Variants in ADGRA3 observed in about 807,000 individuals in gnomAD.
The protein encoded by ADGRA3 is adhesion G protein-coupled receptor A3.
A neutral mutation model predicts 119.8 loss-of-function variants in ADGRA3; 56 were observed. That is an observed-to-expected ratio of 0.47 (90% CI 0.38 to 0.58). The LOEUF (loss-of-function observed/expected upper bound fraction) is 0.58. ADGRA3 is among the 20% of genes least tolerant of loss of function. The pLI is 0.00. For synonymous variants in ADGRA3, 607 were observed against 623.8 expected (o/e 0.97, Z 0.40); for missense variants, 1,516 against 1,649.0 (o/e 0.92, Z 1.40).
At chr4:22,452,460 C>T (rs1465644002) in intron 4 of ADGRA3, among the ~76,000 whole-genome samples, 3 of 152,102 alleles carry the variant, frequency 2.0e-5, no homozygotes, top group Non-Finnish European at 4.4e-5. Context: ...ACTATAAGAT[C>T]ATCTCAATCA....
intron 1 of ADGRA3, among the ~76,000 whole-genome samples, chr4:22,488,275 A>C (rs1718504238): frequency 6.6e-6 from 1 of 152,124 alleles, no homozygotes; most frequent in African/African-American, 2.4e-5. Context: ...AGCCAGGCCT[A>C]GACAGCAGGA....
At chr4:22,479,735 T>C (rs1718194228) in intron 1 of ADGRA3, among the ~76,000 whole-genome samples, 1 of 152,094 alleles carries the variant, frequency 6.6e-6, no homozygotes, top group Admixed American at 6.6e-5. Flanking sequence ...AGCAAAGACT[T>C]GGAACCAACC....
At chr4:22,396,864 C>A (rs982802544) in intron 16 of ADGRA3, among the ~76,000 whole-genome samples, 1 of 152,120 alleles carries the variant, frequency 6.6e-6, no homozygotes, top group Non-Finnish European at 1.5e-5. Context: ...GTAGAAAATT[C>A]CACTCAGGAC....
intron 1 of ADGRA3, among the ~76,000 whole-genome samples, chr4:22,506,805 C>A (rs1442020970): frequency 6.6e-6 from 1 of 151,948 alleles, no homozygotes; most frequent in African/African-American, 2.4e-5. Flanking sequence ...CCTCTTCAGA[C>A]TAAAATTGTG....
At chr4:22,514,790 A>C (rs568113465) in intron 1 of ADGRA3, among the ~76,000 whole-genome samples, 1 of 152,312 alleles carries the variant, frequency 6.6e-6, no homozygotes, top group South Asian at 2.1e-4. Flanking sequence ...TCCCAGCACA[A>C]GTGAGTTACC....
intron 16 of ADGRA3, among the ~76,000 whole-genome samples, chr4:22,401,115 T>C (rs1714617843): frequency 6.6e-6 from 1 of 152,176 alleles, no homozygotes; most frequent in East Asian, 1.9e-4. Flanking sequence ...TATCAGAAAA[T>C]GTCACTTCTC....
At chr4:22,444,884 T>TATA in intron 6 of ADGRA3, 89 bp downstream of exon 6, 1 of 1,321,796 alleles carries the variant, frequency 7.6e-7, no homozygotes, top group Non-Finnish European at 1.1e-6. Context: ...TCTGTCCAAG[T>TATA]ATAAAGAGAA....
At chr4:22,448,502 G>C (rs1716909410) in intron 4 of ADGRA3, among the ~76,000 whole-genome samples, 1 of 152,186 alleles carries the variant, frequency 6.6e-6, no homozygotes, top group South Asian at 2.1e-4. Flanking sequence ...GAAATCCAGA[G>C]TCCTGCAACT....
intron 10 of ADGRA3, among the ~76,000 whole-genome samples, chr4:22,425,688 T>C (rs1474912135): frequency 6.6e-6 from 1 of 152,176 alleles, no homozygotes; most frequent in East Asian, 1.9e-4. Flanking sequence ...TGTCTTTTGA[T>C]CATCCCAGAA....
chr4:22,454,856 A>G lies in ADGRA3; in HGVS notation c.473+10T>C, dbSNP rs186194420. The stretch of plus-strand genomic sequence containing the variant: ...CTTATCTTTTAATGGGAAAGAAAAG[A>G]TATACTTACAGCCGAACCAGATTGG... On this transcript the variant is annotated intron_variant, in intron 4 of 18. Transcript: ENST00000334304. The G allele has an allele frequency of 8.1e-6, 13 of 1,600,144 alleles. No individual in the cohort carries two copies. The African/African-American group carries it at 1.5e-4, about 18-fold the overall frequency.
chr4:22,502,964 T>A (rs991638401), intron 1 of ADGRA3, among the ~76,000 whole-genome samples: 16 of 150,678 alleles, frequency 1.1e-4, no homozygotes, highest in African/African-American at 3.7e-4. Context: ...AGTGCTTACA[T>A]GCTAGACTCT....
intron 14 of ADGRA3, among the ~76,000 whole-genome samples, chr4:22,410,155 C>T (rs1438956703): frequency 1.3e-5 from 2 of 152,040 alleles, no homozygotes; most frequent in East Asian, 3.8e-4. Context: ...AATGAATGCT[C>T]TCTAGTTTCA....
intron 14 of ADGRA3, among the ~76,000 whole-genome samples, chr4:22,408,197 T>C (rs1262051437): frequency 6.6e-6 from 1 of 152,018 alleles, no homozygotes; most frequent in Admixed American, 6.6e-5. Context: ...GTAAAACATA[T>C]TAAAGCTTCT....
In ADGRA3 at chr4:22,515,928, ACATGCTCCTTTG is replaced by A; in HGVS notation, c.-156_-145del. 2.5e-6 allele frequency: 1 copy of A among 404,122 alleles called. No homozygotes were observed. Among genetic ancestry groups the A allele is most frequent in the Non-Finnish European group, 3.3e-6 (1 of 299,158 alleles). The allele number at this position is 404,122 out of a possible 1,614,324, so 25.0% of individuals were successfully genotyped here. ...GGAGGACGGGCCTTCCCCGGCGCGGACATGCTCCTTTGTCCGCTGCGGCTGCGCTGGGCCTCT... is the reference window on the plus strand; with the variant it reads ...GGAGGACGGGCCTTCCCCGGCGCGGATCCGCTGCGGCTGCGCTGGGCCTCT... On this transcript the variant is annotated 5_prime_UTR_variant, in exon 1 of 19. An upstream start codon of the reference 5' UTR is lost. Coordinates refer to ENST00000334304, the MANE Select transcript of ADGRA3 (RefSeq NM_145290.4).
chr4:22,447,594 C>T (rs1371253183), intron 4 of ADGRA3, 83 bp from the exon 5 acceptor site: 2 of 800,044 alleles, frequency 2.5e-6, no homozygotes, highest in Non-Finnish European at 4.0e-6. Flanking sequence ...AAGCATCCTA[C>T]AGTCATTAAA....
At chr4:22,504,647 CTT>C (rs1380941640) in intron 1 of ADGRA3, among the ~76,000 whole-genome samples, 14 of 152,194 alleles carry the variant, frequency 9.2e-5, no homozygotes, top group African/African-American at 2.6e-4. Context: ...AGAAATGTCT[CTT>C]GATTTCATCG....
Position 22,413,093 on chromosome 4 carries a change from A to C in ADGRA3, c.2232+89T>G, listed in dbSNP as rs916923850. The stretch of plus-strand genomic sequence containing the variant: ...TTAAAAGTAAAAAAAAAAAAAAAAC[A>C]AAAAACAAAAAAACACTTCATTTGA... On this transcript the variant is annotated intron_variant, in intron 14 of 18. Coordinates refer to ENST00000334304, the MANE Select transcript of ADGRA3 (RefSeq NM_145290.4). 3.8e-6 allele frequency: 4 copies of C among 1,053,378 alleles called. No individual in the cohort carries two copies. In the African/African-American group the frequency reaches 5.0e-5, roughly 13 times the overall value. The allele number at this position is 1,053,378 out of a possible 1,614,324, so 65.3% of individuals were successfully genotyped here. A position where few individuals can be genotyped will look rare whatever the true frequency, so the allele number is the denominator to read the frequency against.
chr4:22,443,938 T>C (rs1363074533), intron 6 of ADGRA3, among the ~76,000 whole-genome samples: 3 of 152,192 alleles, frequency 2.0e-5, no homozygotes, highest in Non-Finnish European at 2.9e-5. Context: ...TGATAGCTTA[T>C]TTCCAAACAA....
intron 2 of ADGRA3, among the ~76,000 whole-genome samples, chr4:22,470,178 G>A (rs1289276837): frequency 6.6e-6 from 1 of 152,020 alleles, no homozygotes; most frequent in Non-Finnish European, 1.5e-5. Context: ...ATATGCATCA[G>A]TTATCTACTG....
Sources: gnomAD v4.1 joint callset for allele counts (sites outside exome capture counted in the v4.1 genomes callset) on GRCh38, gnomAD v4.1.1 for gene constraint, MANE v1.5 for transcripts, NCBI Gene and HGNC (gene_info 2026-07-23, HGNC 2026-07-21) for gene names.